TMEM117: variants seen among roughly 807,000 people sequenced by gnomAD.
TMEM117 encodes the protein transmembrane protein 117.
TMEM117 carries 27 observed loss-of-function variants against 52.4 expected under a neutral mutation model. That is an observed-to-expected ratio of 0.51 (90% CI 0.38 to 0.71). The LOEUF (loss-of-function observed/expected upper bound fraction) is 0.71. TMEM117 is among the 30% of genes least tolerant of loss of function. TMEM117 has a pLI of 0.00. For synonymous variants in TMEM117, 215 were observed against 206.3 expected (o/e 1.04, Z -0.36); for missense variants, 556 against 630.5 (o/e 0.88, Z 1.26).
chr12:44,287,354 G>A (rs531852287), intron 5 of TMEM117, among the ~76,000 whole-genome samples: 69 of 152,202 alleles, frequency 4.5e-4, no homozygotes, highest in African/African-American at 1.6e-3. Context: ...CAGCCTGAAA[G>A]GAAAGTAATC....
chr12:44,371,804 A>G (rs1592724791), intron 6 of TMEM117, among the ~76,000 whole-genome samples: 1 of 152,338 alleles, frequency 6.6e-6, no homozygotes, highest in South Asian at 2.1e-4. Context: ...TTTAACAGTG[A>G]ACTGAAATTT....
intron 3 of TMEM117, among the ~76,000 whole-genome samples, chr12:44,015,572 T>C (rs976804704): frequency 1.3e-5 from 2 of 152,160 alleles, no homozygotes; most frequent in African/African-American, 4.8e-5. Context: ...AAGATACCTA[T>C]AGGAGCTAGA....
intron 2 of TMEM117, among the ~76,000 whole-genome samples, chr12:43,885,681 T>TA (rs1565734789): frequency 6.6e-6 from 1 of 151,934 alleles, no homozygotes; most frequent in Non-Finnish European, 1.5e-5. Flanking sequence ...CAAGTGTAAA[T>TA]AAAAAAGCTT....
chr12:43,984,928 A>G (rs1305520877), intron 3 of TMEM117, among the ~76,000 whole-genome samples: 1 of 152,194 alleles, frequency 6.6e-6, no homozygotes, highest in African/African-American at 2.4e-5. Context: ...TATCAATGAA[A>G]TGGGAGCATT....
In TMEM117 at chr12:43,991,361, G is replaced by A. The variant is rs549329707; in HGVS notation, c.410+47019G>A. Reference sequence around the variant, plus strand: ...CACATAGTCTCCATTTGAGCACCTCGGGAGATAAGAAATTGTCCAAGAAAT... The same window carrying A: ...CACATAGTCTCCATTTGAGCACCTCAGGAGATAAGAAATTGTCCAAGAAAT... On this transcript the variant is annotated intron_variant, in intron 3 of 7. Coordinates refer to ENST00000266534, the MANE Select transcript of TMEM117 (RefSeq NM_032256.3). 6.6e-5 allele frequency among the ~76,000 whole-genome samples: 10 copies of A among 152,144 alleles called. No individual in the cohort carries two copies. The South Asian group carries it at 1.2e-3, about 19-fold the overall frequency.
chr12:44,010,485 A>G (rs552954733), intron 3 of TMEM117, among the ~76,000 whole-genome samples: 1 of 151,092 alleles, frequency 6.6e-6, no homozygotes, highest in African/African-American at 2.4e-5. Context: ...CTATCCCTCC[A>G]CCTCCCAGAG....
At chr12:44,307,638 T>C (rs1436785351) in intron 6 of TMEM117, among the ~76,000 whole-genome samples, 1 of 152,208 alleles carries the variant, frequency 6.6e-6, no homozygotes, top group Non-Finnish European at 1.5e-5. Flanking sequence ...TTACTGCTAG[T>C]ACAGCGGGGA....
chr12:44,145,045 T>A (rs1014529474), intron 4 of TMEM117, among the ~76,000 whole-genome samples: 1 of 152,112 alleles, frequency 6.6e-6, no homozygotes, highest in Non-Finnish European at 1.5e-5. Context: ...TAGTCCCAGC[T>A]ACTCGGGAGG....
At chr12:43,939,930 CT>C (rs1429377023) in intron 2 of TMEM117, among the ~76,000 whole-genome samples, 1 of 152,184 alleles carries the variant, frequency 6.6e-6, no homozygotes, top group African/African-American at 2.4e-5. Context: ...CAAGAGAGAG[CT>C]TGTGTAGAGG....
chr12:43,865,550 AGCCGGGC>A (rs909817441), intron 2 of TMEM117, among the ~76,000 whole-genome samples: 4 of 151,884 alleles, frequency 2.6e-5, no homozygotes, highest in African/African-American at 9.7e-5. Flanking sequence ...TACAAAAATT[AGCCGGGC>A]GTGGTGGTGC....
intron 2 of TMEM117, among the ~76,000 whole-genome samples, chr12:43,864,054 G>T (rs1273913851): frequency 2.0e-5 from 3 of 152,332 alleles, no homozygotes; most frequent in Admixed American, 2.0e-4. Flanking sequence ...GCTGTGGAGG[G>T]TGCGCTGGGT....
In TMEM117 at chr12:43,877,661, A is replaced by G. The variant is rs138942648; in HGVS notation, c.277+32733A>G. Among the ~76,000 whole-genome samples the G allele has an allele frequency of 5.3e-5, 8 of 151,740 alleles. No individual in the cohort carries two copies. In the East Asian group the frequency reaches 5.8e-4, roughly 11 times the overall value. On this transcript the variant is annotated intron_variant, in intron 2 of 7. Coordinates refer to ENST00000266534, the MANE Select transcript of TMEM117 (RefSeq NM_032256.3). ...AAAAAAAAAAAAAAAGTGTTTTTGT[A>G]TAAACATATATGTAATATTTTGAGG... is the stretch of plus-strand genomic sequence containing the variant.
At chr12:43,956,233 CAA>C (rs1945303476) in intron 3 of TMEM117, among the ~76,000 whole-genome samples, 1 of 152,104 alleles carries the variant, frequency 6.6e-6, no homozygotes, top group Non-Finnish European at 1.5e-5. Flanking sequence ...TAGGCATGGG[CAA>C]AGACTTTATG....
intron 3 of TMEM117, among the ~76,000 whole-genome samples, chr12:44,050,392 G>A (rs1243004922): frequency 6.6e-6 from 1 of 152,106 alleles, no homozygotes; most frequent in Non-Finnish European, 1.5e-5. Flanking sequence ...GGCCAGGCTG[G>A]TCTCGAACGC....
At chr12:44,263,793 G>GAGGA (rs1224429776) in intron 5 of TMEM117, 1 of 152,078 alleles carries the variant, frequency 6.6e-6, no homozygotes, top group African/African-American at 2.4e-5. Context: ...CATAAGAAAA[G>GAGGA]ATAATGGAAG....
At chr12:44,325,841 CAT>C (rs1310700764) in intron 6 of TMEM117, among the ~76,000 whole-genome samples, 2 of 152,042 alleles carry the variant, frequency 1.3e-5, no homozygotes, top group Non-Finnish European at 2.9e-5. Context: ...TTATATAAAA[CAT>C]ATAAAAAAGG....
intron 6 of TMEM117, among the ~76,000 whole-genome samples, chr12:44,358,962 A>G (rs1951687144): frequency 6.6e-6 from 1 of 152,182 alleles, no homozygotes; most frequent in Non-Finnish European, 1.5e-5. Flanking sequence ...GTTTTTATAT[A>G]GCACCTTTCT....
chr12:43,991,272 G>T (rs942613773), intron 3 of TMEM117, among the ~76,000 whole-genome samples: 1 of 152,060 alleles, frequency 6.6e-6, no homozygotes, highest in African/African-American at 2.4e-5. Flanking sequence ...GGGGCCTTAG[G>T]ATTTTCTGAG....
the TMEM117 span, chr12:43,804,296 T>G: frequency 1.8e-4 from 101 of 571,930 alleles, no homozygotes; most frequent in Middle Eastern, 1.9e-3. Flanking sequence ...TCTTTCTGTT[T>G]CCCTGATAGT....
Sources: gnomAD v4.1 joint callset for allele counts (sites outside exome capture counted in the v4.1 genomes callset) on GRCh38, gnomAD v4.1.1 for gene constraint, MANE v1.5 for transcripts, NCBI Gene and HGNC (gene_info 2026-07-23, HGNC 2026-07-21) for gene names.